Variants in RBFOX1 observed in about 807,000 individuals in gnomAD.
RBFOX1 encodes the protein RNA binding fox-1 homolog 1, also known as RNA binding protein fox-1 homolog 1.
Under a neutral mutation model 57.7 loss-of-function variants are expected in RBFOX1, and 8 were observed. That is an observed-to-expected ratio of 0.14 (90% CI 0.08 to 0.25). The LOEUF (loss-of-function observed/expected upper bound fraction) is 0.25. Among genes scored for constraint, RBFOX1 ranks in the 10% least tolerant of loss-of-function variants. The probability of loss-of-function intolerance (pLI) is 1.00; values close to 1 mark genes in which losing one functional copy is unlikely to be tolerated. For missense variants in RBFOX1, 611 were observed against 548.5 expected (o/e 1.11, Z -1.14); for synonymous variants, 326 against 222.4 (o/e 1.47, Z -4.15).
chr16:7,177,405 C>A (rs539192880), intron 4 of RBFOX1, among the ~76,000 whole-genome samples: 2 of 151,990 alleles, frequency 1.3e-5, no homozygotes, highest in South Asian at 2.1e-4. Context: ...AGTGTAAATA[C>A]CCTGACTTGA....
chr16:7,697,688 G>A (rs905846822), intron 14 of RBFOX1, among the ~76,000 whole-genome samples: 2 of 152,062 alleles, frequency 1.3e-5, no homozygotes, highest in African/African-American at 4.8e-5. Context: ...TCCATCTGAT[G>A]CCAAAACCCT....
chr16:7,036,689 T>C (rs1420186424), intron 3 of RBFOX1, among the ~76,000 whole-genome samples: 1 of 148,150 alleles, frequency 6.7e-6, no homozygotes, highest in African/African-American at 2.5e-5. Context: ...CAAAACTCCG[T>C]CTCAAAAACA....
chr16:5,604,235 G>T (rs1339717514), downstream of RBFOX1, among the ~76,000 whole-genome samples: 2 of 152,158 alleles, frequency 1.3e-5, no homozygotes, highest in Admixed American at 6.5e-5. Context: ...AGACTAAGTG[G>T]CTTCAAACAA....
intron 3 of RBFOX1, among the ~76,000 whole-genome samples, chr16:5,805,117 G>C (rs1383118687): frequency 6.6e-6 from 1 of 152,058 alleles, no homozygotes; most frequent in African/African-American, 2.4e-5. Flanking sequence ...TGGGAAGGGG[G>C]CAGTTTGGTC....
intron 4 of RBFOX1, among the ~76,000 whole-genome samples, chr16:7,236,159 C>A (rs1235123211): frequency 1.3e-5 from 2 of 152,090 alleles, no homozygotes; most frequent in Non-Finnish European, 2.9e-5. Flanking sequence ...AACATTGCTA[C>A]TGTTAAGCAT....
chr16:5,471,870 G>C (rs976158099), intron 2 of RBFOX1, among the ~76,000 whole-genome samples: 2 of 152,184 alleles, frequency 1.3e-5, no homozygotes, highest in Non-Finnish European at 2.9e-5. Flanking sequence ...TATCCTTGAA[G>C]GGGGTGTGTT....
At chr16:7,018,755 G>A (rs546572691) in intron 3 of RBFOX1, among the ~76,000 whole-genome samples, 209 of 150,672 alleles carry the variant, frequency 1.4e-3, no homozygotes, top group Admixed American at 3.0e-3. Context: ...AAACCTGCAC[G>A]TTGTGCACAT....
chr16:6,624,711 CAAAG>C (rs1415458993), intron 2 of RBFOX1, among the ~76,000 whole-genome samples: 3 of 152,134 alleles, frequency 2.0e-5, no homozygotes, highest in South Asian at 2.1e-4. Context: ...CGTTGTAAAA[CAAAG>C]AAAGAAGAAG....
chr16:5,809,389 C>G (rs9933565), intron 3 of RBFOX1, among the ~76,000 whole-genome samples: 3 of 151,958 alleles, frequency 2.0e-5, no homozygotes, highest in Non-Finnish European at 4.4e-5. Context: ...AACAGGCAGC[C>G]TACACAATGG....
chr16:5,465,886 T>C (rs933260693), intron 1 of RBFOX1, among the ~76,000 whole-genome samples: 3 of 152,150 alleles, frequency 2.0e-5, no homozygotes, highest in African/African-American at 7.2e-5. Context: ...CCTGAGACCT[T>C]GGGCAGCAGA....
chr16:5,870,627 T>A (rs142435082), intron 4 of RBFOX1, among the ~76,000 whole-genome samples: 61 of 152,178 alleles, frequency 4.0e-4, no homozygotes, highest in African/African-American at 1.4e-3. Flanking sequence ...TAGTCTTTTT[T>A]TTTTCCTTAC....
At chr16:6,080,327 G>A (rs2095981454) in intron 1 of RBFOX1, among the ~76,000 whole-genome samples, 1 of 152,122 alleles carries the variant, frequency 6.6e-6, no homozygotes, top group African/African-American at 2.4e-5. Flanking sequence ...GAGAACCTGG[G>A]TATCTCTGAC....
At chr16:7,550,679 C>G (rs370739456) in intron 5 of RBFOX1, among the ~76,000 whole-genome samples, 5 of 152,056 alleles carry the variant, frequency 3.3e-5, no homozygotes, top group Admixed American at 1.3e-4. Context: ...TGCCTCTGGA[C>G]GAATATGCAC....
intron 1 of RBFOX1, among the ~76,000 whole-genome samples, chr16:6,031,000 G>A (rs980456021): frequency 3.3e-5 from 5 of 152,118 alleles, no homozygotes; most frequent in African/African-American, 7.2e-5. Context: ...AGACTGACAC[G>A]AAACATGAAT....
Position 6,202,338 on chromosome 16 carries a change from T to A in RBFOX1, c.-126-114657T>A, listed in dbSNP as rs150238393. Among the ~76,000 whole-genome samples, 322 of 152,294 alleles carry A rather than the reference T, an allele frequency of 2.1e-3. 1 individual carries two copies. The highest frequency in any genetic ancestry group is 7.2e-3 in the African/African-American group (300 of 41,570). ...ACCTGATTGCTCTGAGAGATTTGCC[T>A]TGTGATTTGATCATTTCTTGCCATC... On this transcript the variant is annotated intron_variant, in intron 1 of 15. Transcript: ENST00000550418.
chr16:6,288,973 C>G (rs2077179453), intron 1 of RBFOX1, among the ~76,000 whole-genome samples: 1 of 152,072 alleles, frequency 6.6e-6, no homozygotes, highest in Admixed American at 6.6e-5. Context: ...TTCTTTAGCT[C>G]CAGTGGTGTG....
intron 4 of RBFOX1, among the ~76,000 whole-genome samples, chr16:7,470,618 G>C (rs1378153988): frequency 2.0e-5 from 3 of 152,106 alleles, no homozygotes; most frequent in African/African-American, 7.2e-5. Context: ...ATGGTTGGAT[G>C]GTTAGGTGGG....
At chr16:5,434,256 T>C (rs553470783) in intron 1 of RBFOX1, among the ~76,000 whole-genome samples, 1 of 149,966 alleles carries the variant, frequency 6.7e-6, no homozygotes, top group Admixed American at 6.7e-5. Context: ...AGAAGAGAAA[T>C]ATTCCCCTGG....
intron 4 of RBFOX1, among the ~76,000 whole-genome samples, chr16:7,157,068 T>A (rs1371497197): frequency 6.6e-6 from 1 of 152,218 alleles, no homozygotes; most frequent in Admixed American, 6.5e-5. Context: ...CTATTATACT[T>A]GATTATGCTA....
Sources: allele counts gnomAD v4.1 joint callset (sites outside exome capture counted in the v4.1 genomes callset), GRCh38; gene constraint gnomAD v4.1.1; transcripts MANE v1.5; gene names NCBI Gene and HGNC (gene_info 2026-07-23, HGNC 2026-07-21).